The following DPT variants were observed in gnomAD, a reference collection of about 807,000 sequenced individuals.
DPT encodes tyrosine-rich acidic matrix protein.
Under a neutral mutation model 31.2 loss-of-function variants are expected in DPT, and 21 were observed. That is an observed-to-expected ratio of 0.67 (90% CI 0.48 to 0.97). The LOEUF (loss-of-function observed/expected upper bound fraction) is 0.97, where lower values mean the gene tolerates loss of function less well. Ranked by LOEUF, DPT falls within the 50% of genes least tolerant of loss-of-function variation. The probability of loss-of-function intolerance (pLI) is 0.00; values close to 1 mark genes in which losing one functional copy is unlikely to be tolerated. For synonymous variants in DPT, 91 were observed against 86.9 expected (o/e 1.05, Z -0.26); for missense variants, 262 against 258.8 (o/e 1.01, Z -0.08).
intron 3 of DPT, among the ~76,000 whole-genome samples, chr1:168,700,314 C>G (rs1170753088): frequency 6.6e-6 from 1 of 152,152 alleles, no homozygotes; most frequent in African/African-American, 2.4e-5. Flanking sequence ...AACCCCTCAC[C>G]AGACACTGAA....
intron 2 of DPT, among the ~76,000 whole-genome samples, chr1:168,712,586 T>A (rs1020154852): frequency 6.6e-6 from 1 of 152,208 alleles, no homozygotes; most frequent in Admixed American, 6.5e-5. Context: ...AGACCAGGAA[T>A]GAGAGATTTG....
chr1:168,716,031 A>G (rs1365066913), intron 1 of DPT, among the ~76,000 whole-genome samples: 1 of 152,246 alleles, frequency 6.6e-6, no homozygotes, highest in Non-Finnish European at 1.5e-5. Flanking sequence ...CCTTGTTGAC[A>G]CACAAATTGT....
intron 3 of DPT, among the ~76,000 whole-genome samples, chr1:168,697,567 T>C (rs912921299): frequency 6.6e-6 from 1 of 152,242 alleles, no homozygotes; most frequent in Non-Finnish European, 1.5e-5. Context: ...TTTCAAGGAA[T>C]GTTCTTTGCT....
At chr1:168,719,624 C>T (rs961550378) in intron 1 of DPT, among the ~76,000 whole-genome samples, 1 of 151,936 alleles carries the variant, frequency 6.6e-6, no homozygotes, top group Non-Finnish European at 1.5e-5. Context: ...GAGTTTCAGG[C>T]CCCTTCATGG....
chr1:168,702,057 C>G (rs888218354), intron 2 of DPT, among the ~76,000 whole-genome samples: 2 of 152,294 alleles, frequency 1.3e-5, no homozygotes, highest in East Asian at 1.9e-4. Flanking sequence ...AGTCTAGAAT[C>G]CCCCAGTTCT....
chr1:168,707,298 T>C (rs1019188910), intron 2 of DPT, among the ~76,000 whole-genome samples: 2 of 152,190 alleles, frequency 1.3e-5, no homozygotes, highest in African/African-American at 4.8e-5. Context: ...AGCCTATGAA[T>C]TGTTATTATT....
At chr1:168,722,318 T>C (rs1320654422) in intron 1 of DPT, among the ~76,000 whole-genome samples, 1 of 152,264 alleles carries the variant, frequency 6.6e-6, no homozygotes, top group African/African-American at 2.4e-5. Flanking sequence ...GATTAAATTA[T>C]ATGTTCCAAA....
chr1:168,705,687 A>G (rs188708032), intron 2 of DPT, among the ~76,000 whole-genome samples: 69 of 152,292 alleles, frequency 4.5e-4, no homozygotes, highest in African/African-American at 1.5e-3. Flanking sequence ...CTACCACTCA[A>G]TTAGCACATT....
intron 1 of DPT, among the ~76,000 whole-genome samples, chr1:168,720,320 G>T (rs1650073219): frequency 6.6e-6 from 1 of 152,188 alleles, no homozygotes; most frequent in Non-Finnish European, 1.5e-5. Context: ...TGATTGGTAT[G>T]CTGGACAGGA....
intron 2 of DPT, among the ~76,000 whole-genome samples, chr1:168,708,145 C>T (rs1430794012): frequency 6.6e-6 from 1 of 151,998 alleles, no homozygotes; most frequent in African/African-American, 2.4e-5. Context: ...AGTTATTATA[C>T]TATATGGTTT....
Position 168,729,037 on chromosome 1 carries a change from G to A in DPT, c.138C>T (p.Phe46=). 6.2e-7 allele frequency: 1 copy of A among 1,614,222 alleles called. No individual in the cohort carries two copies. Among genetic ancestry groups the A allele is most frequent in the Non-Finnish European group, 8.5e-7 (1 of 1,180,046 alleles). The change falls in exon 1 of 4, where the codon TTC becomes TTT. Residue 46 remains phenylalanine, a synonymous_variant. Transcript: ENST00000367817. Reference sequence around the variant, plus strand: ...CCTGCCCCTGGGGACACTGGTAGCTGAAGCCTTGCCGGTTCAAATTCACCC... The same window carrying A: ...CCTGCCCCTGGGGACACTGGTAGCTAAAGCCTTGCCGGTTCAAATTCACCC... ...DGWVNLNRQG[F]SYQCPQGQVI...
chr1:168,712,070 T>C (rs1383722397), intron 2 of DPT, among the ~76,000 whole-genome samples: 1 of 152,216 alleles, frequency 6.6e-6, no homozygotes, highest in Non-Finnish European at 1.5e-5. Flanking sequence ...TGTTCAACAG[T>C]TGTTAAGAAG....
rs1370497412 is a variant in DPT at position 168,729,177 on chromosome 1, T to C, written c.-3A>G. On this transcript the variant is annotated 5_prime_UTR_variant, in exon 1 of 4. Transcript: ENST00000367817. ...ACCCAGAGAAGACTGAGGTCCATGC[T>C]GCCTGGGATTTTGGCAAACAATGTC... 1 of 1,610,118 alleles carries C rather than the reference T, an allele frequency of 6.2e-7. No homozygotes were observed. Among genetic ancestry groups the C allele is most frequent in the Non-Finnish European group, 8.5e-7 (1 of 1,177,400 alleles).
rs57211653 is a variant in DPT at position 168,706,743 on chromosome 1, G to A, written c.432-5619C>T. On this transcript the variant is annotated intron_variant, in intron 2 of 3. Transcript: ENST00000367817. ...TGTATCACAACACGAGGGAATAACA[G>A]TTCCAGGGATATCTGTAGCTTAAAT... 1.6e-3 allele frequency among the ~76,000 whole-genome samples: 242 copies of A among 152,328 alleles called. 1 individual carries two copies. Among genetic ancestry groups the A allele is most frequent in the African/African-American group, 5.6e-3 (232 of 41,586 alleles).
chr1:168,726,565 T>C (rs1264400592), intron 1 of DPT, among the ~76,000 whole-genome samples: 3 of 152,188 alleles, frequency 2.0e-5, no homozygotes, highest in African/African-American at 7.2e-5. Flanking sequence ...ACACCACAAG[T>C]CATTAGAACC....
At chr1:168,699,624 A>G (rs1489185256) in intron 3 of DPT, among the ~76,000 whole-genome samples, 1 of 151,562 alleles carries the variant, frequency 6.6e-6, no homozygotes, top group African/African-American at 2.4e-5. Context: ...ATTCTAGGTC[A>G]TATTAAATAA....
At chr1:168,713,194 G>A (rs1251627432) in intron 2 of DPT, among the ~76,000 whole-genome samples, 1 of 152,116 alleles carries the variant, frequency 6.6e-6, no homozygotes, top group African/African-American at 2.4e-5. Context: ...CACTGTAGAG[G>A]AGTAAAAGCT....
intron 2 of DPT, among the ~76,000 whole-genome samples, chr1:168,707,695 C>T (rs1048538322): frequency 1.3e-5 from 2 of 152,182 alleles, no homozygotes; most frequent in African/African-American, 4.8e-5. Context: ...CGGTCACTCT[C>T]ATGCTGTTCT....
At chr1:168,699,983 A>G (rs955918559) in intron 3 of DPT, among the ~76,000 whole-genome samples, 4 of 152,182 alleles carry the variant, frequency 2.6e-5, no homozygotes, top group African/African-American at 9.7e-5. Flanking sequence ...TGCTGTTTTT[A>G]TCTTTAGGCC....
Sources: gnomAD v4.1 joint callset for allele counts (sites outside exome capture counted in the v4.1 genomes callset) on GRCh38, gnomAD v4.1.1 for gene constraint, MANE v1.5 for transcripts, NCBI Gene and HGNC (gene_info 2026-07-23, HGNC 2026-07-21) for gene names.